The following PCDH15 variants were observed in gnomAD, a reference collection of about 807,000 sequenced individuals.
PCDH15 encodes the protein protocadherin related 15.
Under a neutral mutation model 178.5 loss-of-function variants are expected in PCDH15, and 129 were observed. The observed-to-expected ratio is 0.72, with a 90% CI of 0.63 to 0.84. The LOEUF (loss-of-function observed/expected upper bound fraction) is 0.84, where lower values mean the gene tolerates loss of function less well. PCDH15 is among the 40% of genes least tolerant of loss of function. The pLI, the probability that PCDH15 is intolerant of heterozygous loss-of-function variation, is 0.00. For synonymous variants in PCDH15, 800 were observed against 732.0 expected (o/e 1.09, Z -1.50); for missense variants, 2,230 against 2,099.9 (o/e 1.06, Z -1.21).
At chr10:54,832,645 T>C (rs940143179) in intron 3 of PCDH15, among the ~76,000 whole-genome samples, 4 of 152,210 alleles carry the variant, frequency 2.6e-5, no homozygotes, top group African/African-American at 9.6e-5. Context: ...CCCACAAAGA[T>C]ATGACTTTGG....
chr10:54,931,534 C>T (rs936027787), intron 2 of PCDH15, among the ~76,000 whole-genome samples: 1 of 152,134 alleles, frequency 6.6e-6, no homozygotes, highest in African/African-American at 2.4e-5. Flanking sequence ...GATTTGTCCA[C>T]TTAATATAGT....
intron 1 of PCDH15, among the ~76,000 whole-genome samples, chr10:54,792,423 C>T (rs530588673): frequency 1.3e-5 from 2 of 151,850 alleles, no homozygotes; most frequent in East Asian, 1.9e-4. Flanking sequence ...CTTGACTGGG[C>T]GATAAGATAC....
At chr10:54,615,097 A>G (rs1260038073) in intron 2 of PCDH15, among the ~76,000 whole-genome samples, 2 of 152,078 alleles carry the variant, frequency 1.3e-5, no homozygotes, top group East Asian at 3.9e-4. Context: ...GTTAAGGGAT[A>G]AAGTACGCTG....
intron 20 of PCDH15, among the ~76,000 whole-genome samples, chr10:54,004,527 G>A (rs1008255893): frequency 1.3e-5 from 2 of 151,452 alleles, no homozygotes; most frequent in Admixed American, 1.3e-4. Context: ...TGAACAATCC[G>A]CAAAAGAAAT....
intron 2 of PCDH15, among the ~76,000 whole-genome samples, chr10:55,555,453 G>C (rs746761198): frequency 6.6e-6 from 1 of 151,976 alleles, no homozygotes; most frequent in Non-Finnish European, 1.5e-5. Context: ...ATTTAATCCT[G>C]CATTTATACG....
At chr10:55,465,454 C>G (rs1268557844) in intron 2 of PCDH15, among the ~76,000 whole-genome samples, 1 of 152,060 alleles carries the variant, frequency 6.6e-6, no homozygotes, top group Non-Finnish European at 1.5e-5. Context: ...GACCTGGCTG[C>G]AACTAGGACC....
At chr10:55,548,496 ACT>A (rs1841938736) in intron 2 of PCDH15, among the ~76,000 whole-genome samples, 1 of 152,052 alleles carries the variant, frequency 6.6e-6, no homozygotes, top group Non-Finnish European at 1.5e-5. Flanking sequence ...CTGAAAGGTC[ACT>A]CTCTAGATAA....
intron 1 of PCDH15, among the ~76,000 whole-genome samples, chr10:55,308,091 T>C (rs918873950): frequency 2.6e-5 from 4 of 152,214 alleles, no homozygotes; most frequent in African/African-American, 9.6e-5. Flanking sequence ...ATAAATATTA[T>C]AGAAAACATT....
intron 8 of PCDH15, among the ~76,000 whole-genome samples, chr10:54,282,018 A>G (rs1044756901): frequency 6.6e-6 from 1 of 152,144 alleles, no homozygotes; most frequent in African/African-American, 2.4e-5. Context: ...GGAGCCAGAC[A>G]TAACAGTTGA....
intron 20 of PCDH15, among the ~76,000 whole-genome samples, chr10:53,997,903 A>G (rs4245026): frequency 0.23 from 35,282 of 152,084 alleles, 4,400 homozygotes; most frequent in East Asian, 0.45. Context: ...TGGGGTTATA[A>G]TCTTTCATTG....
chr10:54,312,313 A>C (rs1452078192), intron 8 of PCDH15, among the ~76,000 whole-genome samples: 6 of 152,140 alleles, frequency 3.9e-5, no homozygotes, highest in Admixed American at 2.6e-4. Flanking sequence ...TCAAAATAAC[A>C]ATATACATAA....
At chr10:54,909,215 C>T (rs543421364) in intron 2 of PCDH15, among the ~76,000 whole-genome samples, 2 of 152,280 alleles carry the variant, frequency 1.3e-5, no homozygotes, top group South Asian at 4.1e-4. Flanking sequence ...AAAGCCCAGT[C>T]CCCAGGCTTC....
chr10:55,133,832 A>G (rs1303019321), intron 2 of PCDH15, among the ~76,000 whole-genome samples: 2 of 152,086 alleles, frequency 1.3e-5, no homozygotes, highest in African/African-American at 4.8e-5. Flanking sequence ...GTTAGAGACC[A>G]TTGGCTCTAT....
chr10:54,006,053 G>T (rs527498104), intron 20 of PCDH15, among the ~76,000 whole-genome samples: 1 of 152,214 alleles, frequency 6.6e-6, no homozygotes, highest in East Asian at 1.9e-4. Flanking sequence ...GGCACTTTCT[G>T]GTGTCTCCCA....
intron 14 of PCDH15, among the ~76,000 whole-genome samples, chr10:54,136,397 C>CT (rs1255925865): frequency 8.0e-4 from 108 of 135,542 alleles, no homozygotes; most frequent in African/African-American, 2.7e-3. Context: ...CACTGTTTAA[C>CT]ATTTTTTTTT....
At chr10:54,287,778 A>G (rs1271064657) in intron 8 of PCDH15, among the ~76,000 whole-genome samples, 1 of 152,148 alleles carries the variant, frequency 6.6e-6, no homozygotes, top group Non-Finnish European at 1.5e-5. Flanking sequence ...TTATATCTGA[A>G]TCTAAATGCC....
intron 14 of PCDH15, among the ~76,000 whole-genome samples, chr10:54,151,110 G>T (rs1263002341): frequency 6.6e-6 from 1 of 152,046 alleles, no homozygotes; most frequent in African/African-American, 2.4e-5. Flanking sequence ...AATAGAAATA[G>T]ATGAGTATTT....
chr10:54,275,069 T>G (rs2058275793), intron 8 of PCDH15, among the ~76,000 whole-genome samples: 1 of 151,946 alleles, frequency 6.6e-6, no homozygotes, highest in South Asian at 2.1e-4. Flanking sequence ...ACAATAAAGT[T>G]GTCTGCATAA....
chr10:54,863,611 T>C (rs1953886144), intron 3 of PCDH15, among the ~76,000 whole-genome samples: 1 of 152,206 alleles, frequency 6.6e-6, no homozygotes, highest in Non-Finnish European at 1.5e-5. Flanking sequence ...TTTTTCTTAA[T>C]TGTAAAATAA....
Sources: allele counts gnomAD v4.1 joint callset (sites outside exome capture counted in the v4.1 genomes callset), GRCh38; gene constraint gnomAD v4.1.1; transcripts MANE v1.5; gene names NCBI Gene and HGNC (gene_info 2026-07-23, HGNC 2026-07-21).